The following LIPK variants were observed in gnomAD, a reference collection of about 807,000 sequenced individuals.
LIPK encodes the protein lipase family member K, also known as lipase member K.
A neutral mutation model predicts 48.6 loss-of-function variants in LIPK; 32 were observed. The ratio of observed to expected loss-of-function variants is 0.66; its 90% CI spans 0.50 to 0.88. LIPK has a LOEUF of 0.88. Ranked by LOEUF, LIPK falls within the 40% of genes least tolerant of loss-of-function variation. LIPK has a pLI of 0.00. For synonymous variants in LIPK, 164 were observed against 157.4 expected (o/e 1.04, Z -0.32); for missense variants, 507 against 478.5 (o/e 1.06, Z -0.56).
At chr10:88,707,378 A>G (rs11202824) in intron 1 of LIPK, among the ~76,000 whole-genome samples, 1 of 152,096 alleles carries the variant, frequency 6.6e-6, no homozygotes, top group Non-Finnish European at 1.5e-5. Flanking sequence ...ATTGAGGGAA[A>G]AATTATTTCC....
In LIPK at chr10:88,731,059, C is replaced by A; in HGVS notation, c.300C>A (p.Asn100Lys). The A allele has an allele frequency of 6.2e-7, 1 of 1,602,822 alleles. No individual in the cohort carries two copies. Among genetic ancestry groups the A allele is most frequent in the Non-Finnish European group, 8.5e-7 (1 of 1,174,406 alleles). ...ACTGGATTTGCAACCTGCCCAACAA[C>A]AGTTTGGCTTTCCTTCTGGCAGATA... ...ASNWICNLPN[N>K]SLAFLLADSG... The change falls in exon 4 of 10, where the codon AAC (asparagine) becomes AAA (lysine). Residue 100 changes from asparagine to lysine, a missense_variant. Asn to Lys is a moderately conservative substitution (Grantham distance 94, BLOSUM62 0). Coordinates refer to ENST00000404190, the MANE Select transcript of LIPK (RefSeq NM_001080518.2).
chr10:88,737,716 T>A lies in LIPK; in HGVS notation c.751T>A (p.Phe251Ile), dbSNP rs1402917393. 1 of 1,613,922 alleles carries A rather than the reference T, an allele frequency of 6.2e-7. No homozygotes were observed. Among genetic ancestry groups the A allele is most frequent in the Non-Finnish European group, 8.5e-7 (1 of 1,179,788 alleles). The change falls in exon 7 of 10, where the codon TTC becomes ATC. Residue 251 changes from phenylalanine (F) to isoleucine (I), a missense_variant. Phe to Ile is a conservative substitution (Grantham distance 21). Transcript: ENST00000404190. ...IATKVCNRKL[F>I]RRICSNFLFT... ...CACCAAAGTGTGCAATCGAAAGCTA[T>A]TCCGTCGTATTTGCAGCAACTTCCT...
chr10:88,723,016 C>T (rs985233910), intron 1 of LIPK, among the ~76,000 whole-genome samples: 2 of 151,692 alleles, frequency 1.3e-5, no homozygotes, highest in South Asian at 4.1e-4. Flanking sequence ...CCATGAGTAG[C>T]TGGGACTACA....
intron 3 of LIPK, among the ~76,000 whole-genome samples, chr10:88,729,526 C>T (rs1842423019): frequency 6.6e-6 from 1 of 152,206 alleles, no homozygotes; most frequent in South Asian, 2.1e-4. Flanking sequence ...TTAAGTCTCT[C>T]CAAACTTTTC....
chr10:88,751,173 C>G (rs1347580851), intron 9 of LIPK, among the ~76,000 whole-genome samples: 2 of 151,960 alleles, frequency 1.3e-5, no homozygotes, highest in Non-Finnish European at 2.9e-5. Flanking sequence ...GTCACCAGAT[C>G]TACGAAAACT....
chr10:88,743,167 A>C, intron 8 of LIPK, 83 bp from the exon 9 acceptor site: 3 of 855,312 alleles, frequency 3.5e-6, no homozygotes, highest in Non-Finnish European at 5.6e-6. Flanking sequence ...CATAATGTTA[A>C]TCTTCTTTGT....
Position 88,752,721 on chromosome 10 carries a change from C to T in LIPK, c.1165C>T (p.Leu389=), listed in dbSNP as rs950320483. The change falls in exon 10 of 10, where the codon CTA becomes TTA. Residue 389 remains leucine (L), a synonymous_variant. Transcript: ENST00000404190. ...EDAPQEIYQD[L]IILMEEYLQN ...TGCACCTCAGGAAATTTACCAAGAC[C>T]TAATTATATTGATGGAAGAATATTT... 1.9e-6 allele frequency: 3 copies of T among 1,561,390 alleles called. No individual in the cohort carries two copies. Among genetic ancestry groups the T allele is most frequent in the Non-Finnish European group, 2.6e-6 (3 of 1,148,756 alleles).
intron 8 of LIPK, among the ~76,000 whole-genome samples, chr10:88,742,398 C>G: frequency 6.6e-6 from 1 of 152,186 alleles, no homozygotes. Context: ...AACTAAAAAT[C>G]AGGACTAAAT....
intron 9 of LIPK, among the ~76,000 whole-genome samples, chr10:88,751,441 A>T (rs1842861357): frequency 6.6e-6 from 1 of 152,120 alleles, no homozygotes; most frequent in Non-Finnish European, 1.5e-5. Flanking sequence ...GTAAAGGCTA[A>T]TCTTGAACTC....
chr10:88,726,840 G>A lies in LIPK; in HGVS notation c.151G>A (p.Val51Ile). Reference sequence around the variant, plus strand: ...GGGTTATCCTTATGAAGAGTATGATGTTACAACAAAAGATGGTTATATCCT... The same window carrying A: ...GGGTTATCCTTATGAAGAGTATGATATTACAACAAAAGATGGTTATATCCT... ...YWGYPYEEYD[V>I]TTKDGYILGI... is the part of the protein sequence containing the mutation. Residue 51 changes from valine (V) to isoleucine (I), a missense_variant, in exon 3 of 10, where the codon GTT becomes ATT. Transcript: ENST00000404190. 1 of 1,608,470 alleles carries A rather than the reference G, an allele frequency of 6.2e-7. No individual in the cohort carries two copies. The highest frequency in any genetic ancestry group is 1.1e-5 in the South Asian group (1 of 90,338).
At chr10:88,750,672 T>C (rs1375703797) in intron 9 of LIPK, among the ~76,000 whole-genome samples, 1 of 151,680 alleles carries the variant, frequency 6.6e-6, no homozygotes, top group Non-Finnish European at 1.5e-5. Flanking sequence ...GGGAGGAGAG[T>C]GAGGATTGAA....
At chr10:88,716,410 T>C (rs951261388) in intron 1 of LIPK, among the ~76,000 whole-genome samples, 7 of 136,506 alleles carry the variant, frequency 5.1e-5, no homozygotes, top group Non-Finnish European at 9.0e-5. Flanking sequence ...CAGGTGGGAG[T>C]GCAGTGGCCC....
At chr10:88,733,903 G>C (rs1043215167) in intron 6 of LIPK, among the ~76,000 whole-genome samples, 10 of 152,172 alleles carry the variant, frequency 6.6e-5, no homozygotes, top group African/African-American at 2.2e-4. Flanking sequence ...AAAAACTAGG[G>C]TGTATGTGAG....
At chr10:88,746,602 G>T (rs1048403670) in intron 9 of LIPK, among the ~76,000 whole-genome samples, 3 of 152,070 alleles carry the variant, frequency 2.0e-5, no homozygotes, top group Non-Finnish European at 4.4e-5. Flanking sequence ...CAGAATCTCT[G>T]GGACACAGCT....
intron 6 of LIPK, among the ~76,000 whole-genome samples, chr10:88,734,963 T>C (rs1264762665): frequency 2.0e-5 from 3 of 152,190 alleles, no homozygotes; most frequent in Non-Finnish European, 4.4e-5. Context: ...TGAGACAACC[T>C]TTTTTCTCTC....
At chr10:88,733,063 C>G (rs1480753332) in intron 6 of LIPK, among the ~76,000 whole-genome samples, 1 of 152,196 alleles carries the variant, frequency 6.6e-6, no homozygotes, top group Non-Finnish European at 1.5e-5. Flanking sequence ...ACAGCATATC[C>G]TCTAAAACAA....
At chr10:88,745,400 C>A (rs1842749521) in intron 9 of LIPK, among the ~76,000 whole-genome samples, 1 of 152,094 alleles carries the variant, frequency 6.6e-6, no homozygotes, top group Non-Finnish European at 1.5e-5. Context: ...AGTTCACCAA[C>A]AAAGGGAACC....
At chr10:88,719,941 A>G (rs1220328772) in intron 1 of LIPK, among the ~76,000 whole-genome samples, 1 of 152,246 alleles carries the variant, frequency 6.6e-6, no homozygotes, top group Non-Finnish European at 1.5e-5. Flanking sequence ...CTGCCTACAT[A>G]TAATCCACAT....
chr10:88,744,497 A>G (rs1404271629), intron 9 of LIPK, among the ~76,000 whole-genome samples: 1 of 152,242 alleles, frequency 6.6e-6, no homozygotes, highest in African/African-American at 2.4e-5. Flanking sequence ...CCAAGGTTAT[A>G]GCACCCAGCC....
Sources: allele counts gnomAD v4.1 joint callset (sites outside exome capture counted in the v4.1 genomes callset), GRCh38; gene constraint gnomAD v4.1.1; transcripts MANE v1.5; gene names NCBI Gene and HGNC (gene_info 2026-07-23, HGNC 2026-07-21).